The following CD34 variants were observed in gnomAD, a reference collection of about 807,000 sequenced individuals.
The protein encoded by CD34 is CD34 molecule.
CD34 carries 34 observed loss-of-function variants against 40.1 expected under a neutral mutation model. The ratio of observed to expected loss-of-function variants is 0.85; its 90% CI spans 0.65 to 1.13. CD34 has a LOEUF of 1.13. CD34 is among the 50% of genes most tolerant of loss of function. The pLI, the probability that CD34 is intolerant of heterozygous loss-of-function variation, is 0.00. For missense variants in CD34, 426 were observed against 466.9 expected (o/e 0.91, Z 0.81); for synonymous variants, 209 against 190.0 (o/e 1.10, Z -0.82).
rs1661860322 is a variant in CD34 at position 207,884,351 on chromosome 1, T to C, written c.*3387A>G. On this transcript the variant is annotated 3_prime_UTR_variant, in exon 8 of 8. Transcript: ENST00000310833. ...GTATATACTTACTGAGATGACATTG[T>C]TTACTGTCCTCTTCTGCTAGAATTA... 6.6e-6 allele frequency: 1 copy of C among 152,284 alleles called. No homozygotes were observed. The highest frequency in any genetic ancestry group is 2.1e-4 in the South Asian group (1 of 4,834). 9.4% of individuals were successfully genotyped at this position (152,284 alleles called of 1,614,324 possible).
intron 1 of CD34, among the ~76,000 whole-genome samples, chr1:207,908,597 G>A (rs1164939195): frequency 1.3e-5 from 2 of 152,252 alleles, no homozygotes; most frequent in South Asian, 4.1e-4. Flanking sequence ...GGGCCTGGGG[G>A]TGTTGTTAGA....
rs1271318473 is a variant in CD34 at position 207,881,197 on chromosome 1, G to T, written c.*6541C>A. 6.6e-6 allele frequency: 1 copy of T among 152,014 alleles called. No homozygotes were observed. The highest frequency in any genetic ancestry group is 2.4e-5 in the African/African-American group (1 of 41,366). 9.4% of individuals were successfully genotyped at this position (152,014 alleles called of 1,614,324 possible). A position where few individuals can be genotyped will look rare whatever the true frequency, so the allele number is the denominator to read the frequency against. Reference sequence around the variant, plus strand: ...AAAGCATGATCCAAGGTCCTCTGGGGGTTCCCTAAAACATTTCCAAGTGGT... The same window carrying T: ...AAAGCATGATCCAAGGTCCTCTGGGTGTTCCCTAAAACATTTCCAAGTGGT... On this transcript the variant is annotated 3_prime_UTR_variant, in exon 8 of 8. Transcript: ENST00000310833.
chr1:207,900,819 C>T (rs997979581), intron 1 of CD34, among the ~76,000 whole-genome samples: 2 of 152,148 alleles, frequency 1.3e-5, no homozygotes, highest in African/African-American at 4.8e-5. Flanking sequence ...TCTCAGCTCT[C>T]TTACCTCTTA....
chr1:207,888,543 T>G, intron 7 of CD34, 139 bp downstream of exon 7: 1 of 833,504 alleles, frequency 1.2e-6, no homozygotes, highest in Admixed American at 2.2e-5. Context: ...GATTACTGTG[T>G]GTGCACACAT....
intron 3 of CD34, among the ~76,000 whole-genome samples, chr1:207,898,629 T>C (rs568715357): frequency 7.3e-4 from 111 of 152,296 alleles, no homozygotes; most frequent in African/African-American, 2.5e-3. Context: ...AAATAAGCAA[T>C]AGTTGCCAAA....
chr1:207,897,372 G>T, intron 4 of CD34, 121 bp downstream of exon 4: 1 of 710,806 alleles, frequency 1.4e-6, no homozygotes, highest in Non-Finnish European at 2.4e-6. Context: ...GGCTGACCAA[G>T]CTAAACTCCC....
intron 4 of CD34, among the ~76,000 whole-genome samples, chr1:207,891,162 T>C (rs1030439798): frequency 2.0e-5 from 3 of 152,290 alleles, no homozygotes; most frequent in South Asian, 4.1e-4. Flanking sequence ...CTGCAGGTTG[T>C]AAACTAGCCA....
chr1:207,899,912 G>T lies in CD34; in HGVS notation c.171C>A (p.Ser57=). The T allele has an allele frequency of 1.2e-6, 2 of 1,613,980 alleles. No homozygotes were observed. Among genetic ancestry groups the T allele is most frequent in the Non-Finnish European group, 1.7e-6 (2 of 1,179,884 alleles). The change falls in exon 2 of 8, where the codon TCC becomes TCA. Residue 57 remains serine (S), a synonymous_variant. Coordinates refer to ENST00000310833, the MANE Select transcript of CD34 (RefSeq NM_001025109.2). ...GTFSNVSTNV[S]YQETTTPSTL... is the part of the protein sequence containing the mutation. Reference sequence around the variant, plus strand: ...TACTAGGTGTTGTAGTTTCTTGGTAGGATACATTTGTAGAAACATTTGAAA... The same window carrying T: ...TACTAGGTGTTGTAGTTTCTTGGTATGATACATTTGTAGAAACATTTGAAA...
chr1:207,895,981 T>C (rs894183999), intron 4 of CD34, among the ~76,000 whole-genome samples: 2 of 152,364 alleles, frequency 1.3e-5, no homozygotes, highest in East Asian at 1.9e-4. Flanking sequence ...TGCAAACTCA[T>C]GTCTTCACTA....
rs1571766799 is a variant in CD34 at position 207,888,949 on chromosome 1, G to T, written c.808-103C>A. 5.0e-6 allele frequency: 6 copies of T among 1,199,856 alleles called. No homozygotes were observed. The East Asian group carries it at 1.2e-4, about 23-fold the overall frequency. 74.3% of individuals were successfully genotyped at this position (1,199,856 alleles called of 1,614,324 possible). On this transcript the variant is annotated intron_variant, in intron 6 of 7. Coordinates refer to ENST00000310833, the MANE Select transcript of CD34 (RefSeq NM_001025109.2). ...GACTCAACAGTGAACAGATGCTTGA[G>T]GGCATTGACCTCAGGAATTTTTGAA... is the stretch of plus-strand genomic sequence containing the variant.
intron 4 of CD34, among the ~76,000 whole-genome samples, chr1:207,893,492 C>G (rs1000786007): frequency 6.6e-6 from 1 of 152,110 alleles, no homozygotes; most frequent in African/African-American, 2.4e-5. Flanking sequence ...TTTCAAGTCA[C>G]CTAACAAGTG....
At chr1:207,908,613 G>A (rs762741372) in intron 1 of CD34, among the ~76,000 whole-genome samples, 5 of 152,212 alleles carry the variant, frequency 3.3e-5, no homozygotes, top group African/African-American at 4.8e-5. Context: ...TTAGAGTGAG[G>A]ATAGGGACAG....
chr1:207,883,000 G>A lies in CD34; in HGVS notation c.*4738C>T, dbSNP rs1022382724. Reference sequence around the variant, plus strand: ...TGTCTTATCCCAGGTGCCTGGCATAGTACCTGGCTTATAATAAGCACTCAA... The same window carrying A: ...TGTCTTATCCCAGGTGCCTGGCATAATACCTGGCTTATAATAAGCACTCAA... On this transcript the variant is annotated 3_prime_UTR_variant, in exon 8 of 8. Transcript: ENST00000310833. The A allele has an allele frequency of 6.6e-6, 1 of 152,162 alleles. No homozygotes were observed. Among genetic ancestry groups the A allele is most frequent in the African/African-American group, 2.4e-5 (1 of 41,414 alleles). 9.4% of individuals were successfully genotyped at this position (152,162 alleles called of 1,614,324 possible).
intron 4 of CD34, 155 bp from the exon 5 acceptor site, chr1:207,889,776 T>C: frequency 2.5e-6 from 4 of 1,576,674 alleles, no homozygotes; most frequent in Non-Finnish European, 3.4e-6. Context: ...AACTGCTAAC[T>C]GTATATGTGC....
At chr1:207,889,365 C>T (rs1039357164) in intron 5 of CD34, 100 bp downstream of exon 5, 1 of 1,530,860 alleles carries the variant, frequency 6.5e-7, no homozygotes, top group African/African-American at 1.4e-5. Context: ...CTCCCCAGCA[C>T]CTGTGGTCTC....
At chr1:207,897,390 C>T in intron 4 of CD34, 103 bp downstream of exon 4, 1 of 852,456 alleles carries the variant, frequency 1.2e-6, no homozygotes. Context: ...CCCCGGACCC[C>T]TACTCAAATC....
chr1:207,899,288 A>G, intron 2 of CD34, 62 bp from the exon 3 acceptor site: 1 of 1,553,268 alleles, frequency 6.4e-7, no homozygotes, highest in Non-Finnish European at 8.8e-7. Context: ...ACAAAATCTC[A>G]GGTCATGATA....
chr1:207,884,882 T>C lies in CD34; in HGVS notation c.*2856A>G, dbSNP rs1571763391. 2.0e-5 allele frequency: 3 copies of C among 152,220 alleles called. No individual in the cohort carries two copies. The Middle Eastern group carries it at 0.01, about 507-fold the overall frequency. 9.4% of individuals were successfully genotyped at this position (152,220 alleles called of 1,614,324 possible). On this transcript the variant is annotated 3_prime_UTR_variant, in exon 8 of 8. Coordinates refer to ENST00000310833, the MANE Select transcript of CD34 (RefSeq NM_001025109.2). Reference sequence around the variant, plus strand: ...TTATGTTGATGAAATGCTCCAGAAGTGAAGTCCCAAACCTATCTTCACACT... The same window carrying C: ...TTATGTTGATGAAATGCTCCAGAAGCGAAGTCCCAAACCTATCTTCACACT...
intron 4 of CD34, among the ~76,000 whole-genome samples, chr1:207,895,792 G>A (rs2796254): frequency 0.23 from 35,493 of 152,108 alleles, 4,958 homozygotes; most frequent in Non-Finnish European, 0.33. Context: ...CCAAGTCGAT[G>A]GGGTTGCAGG....
Sources: gnomAD v4.1 joint callset for allele counts (sites outside exome capture counted in the v4.1 genomes callset) on GRCh38, gnomAD v4.1.1 for gene constraint, MANE v1.5 for transcripts, NCBI Gene and HGNC (gene_info 2026-07-23, HGNC 2026-07-21) for gene names.